Variants in ERBB4 observed in about 807,000 individuals in gnomAD.
ERBB4 encodes receptor tyrosine-protein kinase erbB-4.
Under a neutral mutation model 158.0 loss-of-function variants are expected in ERBB4, and 42 were observed. The observed-to-expected ratio is 0.27, with a 90% CI of 0.21 to 0.34. ERBB4 has a LOEUF of 0.34. Among genes scored for constraint, ERBB4 ranks in the 10% least tolerant of loss-of-function variants. The pLI is 1.00. For missense variants in ERBB4, 1,333 were observed against 1,624.1 expected (o/e 0.82, Z 3.08); for synonymous variants, 583 against 558.7 (o/e 1.04, Z -0.61).
At chr2:212,130,777 C>T (rs16847769) in intron 1 of ERBB4, among the ~76,000 whole-genome samples, 3,294 of 152,066 alleles carry the variant, frequency 0.022, 125 homozygotes, top group African/African-American at 0.075. Context: ...GAAAAATTTC[C>T]AAGTTGTTTC....
intron 4 of ERBB4, among the ~76,000 whole-genome samples, chr2:211,762,898 A>C (rs1287027163): frequency 6.6e-6 from 1 of 152,054 alleles, no homozygotes. Flanking sequence ...TTCTACTCCC[A>C]CCATCATTGT....
At chr2:212,242,094 A>G (rs2084129561) in intron 1 of ERBB4, among the ~76,000 whole-genome samples, 1 of 151,974 alleles carries the variant, frequency 6.6e-6, no homozygotes, top group Admixed American at 6.5e-5. Context: ...TTTCCAAGTT[A>G]AACAAACCTC....
intron 1 of ERBB4, among the ~76,000 whole-genome samples, chr2:212,514,310 T>A (rs1691698451): frequency 6.6e-6 from 1 of 152,212 alleles, no homozygotes; most frequent in Non-Finnish European, 1.5e-5. Context: ...AAAAGTAGAA[T>A]GTCAATGATT....
intron 19 of ERBB4, among the ~76,000 whole-genome samples, chr2:211,563,162 T>C (rs925569131): frequency 1.3e-5 from 2 of 152,218 alleles, no homozygotes; most frequent in Non-Finnish European, 2.9e-5. Flanking sequence ...GCATACCAGT[T>C]AGCTTCTAAT....
intron 20 of ERBB4, among the ~76,000 whole-genome samples, chr2:211,519,363 G>C (rs2066128988): frequency 6.6e-6 from 1 of 152,036 alleles, no homozygotes; most frequent in African/African-American, 2.4e-5. Flanking sequence ...TAAAGTTGTA[G>C]ATCAAATTCA....
chr2:212,261,160 T>G (rs768587130), intron 1 of ERBB4, among the ~76,000 whole-genome samples: 1 of 152,212 alleles, frequency 6.6e-6, no homozygotes, highest in Non-Finnish European at 1.5e-5. Flanking sequence ...AAATTTCATG[T>G]TTCTGTGGCA....
At chr2:211,979,749 CT>C (rs1478999434) in intron 2 of ERBB4, among the ~76,000 whole-genome samples, 1 of 151,994 alleles carries the variant, frequency 6.6e-6, no homozygotes, top group Non-Finnish European at 1.5e-5. Context: ...GAAGTTTATC[CT>C]TCCATGAACA....
chr2:211,628,777 G>T (rs1169864604), intron 17 of ERBB4, among the ~76,000 whole-genome samples: 1 of 152,160 alleles, frequency 6.6e-6, no homozygotes, highest in African/African-American at 2.4e-5. Context: ...CTAGTTTACA[G>T]TCCCACCAAC....
At chr2:211,769,293 A>G (rs1009322557) in intron 4 of ERBB4, among the ~76,000 whole-genome samples, 1 of 152,110 alleles carries the variant, frequency 6.6e-6, no homozygotes, top group East Asian at 1.9e-4. Context: ...AAACCACTCA[A>G]CAAGTCTCTG....
At chr2:211,943,192 G>A (rs1375669952) in intron 3 of ERBB4, among the ~76,000 whole-genome samples, 5 of 151,970 alleles carry the variant, frequency 3.3e-5, no homozygotes, top group Non-Finnish European at 5.9e-5. Flanking sequence ...AATTATAGAA[G>A]GGAGAAAATA....
intron 2 of ERBB4, among the ~76,000 whole-genome samples, chr2:212,061,065 T>G (rs1000886366): frequency 6.6e-6 from 1 of 151,886 alleles, no homozygotes; most frequent in Admixed American, 6.6e-5. Context: ...AATTGTAGAA[T>G]TGCTTAGTCT....
Position 211,376,607 on chromosome 2 carries a change from A to G in ERBB4, c.*7008T>C. 4.3e-6 allele frequency: 1 copy of G among 232,838 alleles called. No homozygotes were observed. The highest frequency in any genetic ancestry group is 8.5e-6 in the Non-Finnish European group (1 of 117,508). 14.4% of individuals were successfully genotyped at this position (232,838 alleles called of 1,614,324 possible). On this transcript the variant is annotated 3_prime_UTR_variant, in exon 28 of 28. Coordinates refer to ENST00000342788, the MANE Select transcript of ERBB4 (RefSeq NM_005235.3). ...TAAGAAAATAAGGAAGTGAGTACAA[A>G]TGTATACACCTTAAGCCTCTGCCTT... is the stretch of plus-strand genomic sequence containing the variant.
chr2:211,934,605 A>G lies in ERBB4; in HGVS notation c.421+12825T>C, dbSNP rs555601764. ...AAATTCTCTAAAAAATAAATACTAG[A>G]GTAATAAGATTTATAGAAGACATCA... On this transcript the variant is annotated intron_variant, in intron 3 of 27. Transcript: ENST00000342788. 1.1e-3 allele frequency among the ~76,000 whole-genome samples: 171 copies of G among 152,106 alleles called. 1 individual carries two copies. Among genetic ancestry groups the G allele is most frequent in the African/African-American group, 3.5e-3 (145 of 41,540 alleles).
intron 2 of ERBB4, among the ~76,000 whole-genome samples, chr2:212,052,220 C>T (rs551033024): frequency 2.6e-5 from 4 of 152,292 alleles, no homozygotes; most frequent in African/African-American, 9.6e-5. Flanking sequence ...GTTTCCTGCC[C>T]TCAAACATCA....
chr2:211,734,862 G>A (rs1041428797), intron 5 of ERBB4, among the ~76,000 whole-genome samples: 1 of 137,806 alleles, frequency 7.3e-6, no homozygotes, highest in Non-Finnish European at 1.5e-5. Flanking sequence ...CAGAGCCCCT[G>A]CAGTGCAGCC....
intron 1 of ERBB4, among the ~76,000 whole-genome samples, chr2:212,249,577 T>C (rs1424663178): frequency 6.6e-6 from 1 of 151,890 alleles, no homozygotes; most frequent in Non-Finnish European, 1.5e-5. Flanking sequence ...GAGAAAAGTT[T>C]ATTAAAAACA....
chr2:211,501,563 ATTG>A (rs1260401233), intron 20 of ERBB4, among the ~76,000 whole-genome samples: 7 of 151,886 alleles, frequency 4.6e-5, no homozygotes, highest in African/African-American at 1.7e-4. Context: ...ACAATAAGAT[ATTG>A]TTGTTTTATA....
At chr2:211,736,198 T>G (rs1348496715) in intron 5 of ERBB4, among the ~76,000 whole-genome samples, 2 of 151,966 alleles carry the variant, frequency 1.3e-5, no homozygotes, top group Non-Finnish European at 2.9e-5. Flanking sequence ...AATCATGTCC[T>G]CCTACAAGTC....
chr2:211,823,488 AT>A (rs2077036866), intron 3 of ERBB4, among the ~76,000 whole-genome samples: 1 of 151,740 alleles, frequency 6.6e-6, no homozygotes, highest in South Asian at 2.1e-4. Context: ...AATATATATT[AT>A]TTTGCTTTAG....
Sources: gnomAD v4.1 joint callset for allele counts (sites outside exome capture counted in the v4.1 genomes callset) on GRCh38, gnomAD v4.1.1 for gene constraint, MANE v1.5 for transcripts, NCBI Gene and HGNC (gene_info 2026-07-23, HGNC 2026-07-21) for gene names.